The following GOLPH3L variants were observed in gnomAD, a reference collection of about 807,000 sequenced individuals.
GOLPH3L encodes the protein Golgi phosphoprotein 3-like.
In GOLPH3L, 22 loss-of-function variants were observed where a neutral mutation model predicts 30.3. That is an observed-to-expected ratio of 0.73 (90% CI 0.52 to 1.04). The LOEUF (loss-of-function observed/expected upper bound fraction) is 1.04. Among genes scored for constraint, GOLPH3L ranks in the 50% least tolerant of loss-of-function variants. The pLI is 0.00. For missense variants in GOLPH3L, 303 were observed against 345.8 expected, an observed-to-expected ratio of 0.88 and a Z score of 0.98; for synonymous variants, 120 against 128.2, an observed-to-expected ratio of 0.94 and a Z score of 0.43.
chr1:150,686,787 G>A (rs887086586), intron 2 of GOLPH3L, among the ~76,000 whole-genome samples: 3 of 152,094 alleles, frequency 2.0e-5, no homozygotes, highest in Non-Finnish European at 4.4e-5. Flanking sequence ...AGTACTGTGT[G>A]CATTTGGGGA....
At chr1:150,689,720 T>C (rs1477326111) in intron 2 of GOLPH3L, among the ~76,000 whole-genome samples, 2 of 151,860 alleles carry the variant, frequency 1.3e-5, no homozygotes, top group African/African-American at 4.8e-5. Context: ...CCTTGGCTCA[T>C]TGCAGCCTCT....
At chr1:150,678,465 C>T (rs1459727994) in intron 2 of GOLPH3L, among the ~76,000 whole-genome samples, 2 of 151,858 alleles carry the variant, frequency 1.3e-5, no homozygotes, top group South Asian at 2.1e-4. Flanking sequence ...ATTTTATTAC[C>T]TTACTTCCCA....
intron 2 of GOLPH3L, among the ~76,000 whole-genome samples, chr1:150,691,905 C>CT (rs56889576): frequency 0.045 from 6,332 of 141,018 alleles, 411 homozygotes; most frequent in African/African-American, 0.15. Flanking sequence ...ATGGATGACT[C>CT]TTTTTTTTTT....
chr1:150,685,583 A>G (rs1651063272), intron 2 of GOLPH3L, among the ~76,000 whole-genome samples: 1 of 151,952 alleles, frequency 6.6e-6, no homozygotes, highest in Admixed American at 6.6e-5. Context: ...GCGTGGTGGC[A>G]TGCACCTTAT....
intron 2 of GOLPH3L, among the ~76,000 whole-genome samples, chr1:150,692,379 A>T (rs900347755): frequency 1.3e-5 from 2 of 152,060 alleles, no homozygotes; most frequent in Non-Finnish European, 2.9e-5. Context: ...AAGGTGGTTA[A>T]TTGTTATGTG....
chr1:150,669,262 T>C (rs1300192943), intron 2 of GOLPH3L, among the ~76,000 whole-genome samples: 1 of 152,198 alleles, frequency 6.6e-6, no homozygotes, highest in Non-Finnish European at 1.5e-5. Flanking sequence ...TCCCCTGTAC[T>C]GTGGGTACAT....
chr1:150,672,736 A>AT (rs1650674374), intron 2 of GOLPH3L, among the ~76,000 whole-genome samples: 1 of 151,972 alleles, frequency 6.6e-6, no homozygotes, highest in African/African-American at 2.4e-5. Flanking sequence ...TGGCCAAGAG[A>AT]TTTTATAAAA....
intron 2 of GOLPH3L, among the ~76,000 whole-genome samples, chr1:150,665,922 C>T (rs1188614561): frequency 6.6e-6 from 1 of 152,156 alleles, no homozygotes; most frequent in Non-Finnish European, 1.5e-5. Context: ...AAGATAGTTT[C>T]TCTGGACATA....
At chr1:150,684,580 ATG>A (rs1483526385) in intron 2 of GOLPH3L, among the ~76,000 whole-genome samples, 1 of 152,224 alleles carries the variant, frequency 6.6e-6, no homozygotes, top group Non-Finnish European at 1.5e-5. Context: ...CATAAGGAAC[ATG>A]TGTGACATGG....
chr1:150,682,667 A>G (rs1310614361), intron 2 of GOLPH3L, among the ~76,000 whole-genome samples: 1 of 148,730 alleles, frequency 6.7e-6, no homozygotes, highest in East Asian at 2.0e-4. Context: ...TCTCATGTAG[A>G]TCTCTGTCTG....
intron 2 of GOLPH3L, among the ~76,000 whole-genome samples, chr1:150,691,679 T>C (rs587638595): frequency 2.0e-5 from 3 of 152,266 alleles, no homozygotes; most frequent in Non-Finnish European, 2.9e-5. Flanking sequence ...CTAAAAACTA[T>C]AGTAATTCCT....
chr1:150,653,332 G>A (rs1234290044), intron 4 of GOLPH3L, among the ~76,000 whole-genome samples: 1 of 140,060 alleles, frequency 7.1e-6, no homozygotes, highest in African/African-American at 2.7e-5. Context: ...GTCTCACACT[G>A]TCGCCCTGGC....
chr1:150,652,159 C>T (rs1049714952), intron 4 of GOLPH3L, among the ~76,000 whole-genome samples: 8 of 151,906 alleles, frequency 5.3e-5, no homozygotes, highest in Non-Finnish European at 1.0e-4. Context: ...AATGAGTAGA[C>T]TTATTCAAAG....
intron 2 of GOLPH3L, among the ~76,000 whole-genome samples, chr1:150,667,588 TTTC>T (rs1361598836): frequency 2.1e-5 from 3 of 144,784 alleles, no homozygotes; most frequent in African/African-American, 7.5e-5. Context: ...TTTCTTTTTT[TTTC>T]TTTCTTTTTT....
intron 1 of GOLPH3L, among the ~76,000 whole-genome samples, chr1:150,695,426 C>G (rs187871504): frequency 6.6e-6 from 1 of 152,052 alleles, no homozygotes; most frequent in African/African-American, 2.4e-5. Flanking sequence ...CATGAGCCAC[C>G]AGGCCCGGCC....
intron 2 of GOLPH3L, among the ~76,000 whole-genome samples, chr1:150,675,787 A>C (rs1334689745): frequency 6.7e-6 from 1 of 149,406 alleles, no homozygotes; most frequent in Admixed American, 6.7e-5. Flanking sequence ...CTCAAAAAAA[A>C]AAAAAAAAAA....
At chr1:150,649,809 G>A (rs587752648) in intron 4 of GOLPH3L, among the ~76,000 whole-genome samples, 2 of 152,150 alleles carry the variant, frequency 1.3e-5, no homozygotes, top group South Asian at 4.2e-4. Flanking sequence ...CCCTAACTCA[G>A]AGGCAACTCC....
chr1:150,693,587 A>C (rs1651261515), intron 2 of GOLPH3L, among the ~76,000 whole-genome samples: 1 of 151,822 alleles, frequency 6.6e-6, no homozygotes, highest in African/African-American at 2.4e-5. Context: ...GAGAAAACAC[A>C]GCAAAAAGTT....
intron 2 of GOLPH3L, among the ~76,000 whole-genome samples, chr1:150,677,818 G>A (rs1219744116): frequency 6.6e-6 from 1 of 150,958 alleles, no homozygotes; most frequent in Non-Finnish European, 1.5e-5. Flanking sequence ...AGAGATGAGG[G>A]TCTTGCTATG....
Sources: gnomAD v4.1 joint callset for allele counts (sites outside exome capture counted in the v4.1 genomes callset) on GRCh38, gnomAD v4.1.1 for gene constraint, MANE v1.5 for transcripts, NCBI Gene and HGNC (gene_info 2026-07-23, HGNC 2026-07-21) for gene names.